LGALS8: variants seen among roughly 807,000 people sequenced by gnomAD.
The protein encoded by LGALS8 is galectin 8, also known as galectin-8.
LGALS8 carries 30 observed loss-of-function variants against 35.9 expected under a neutral mutation model. The ratio of observed to expected loss-of-function variants is 0.83; its 90% CI spans 0.62 to 1.13. The LOEUF is 1.13. LGALS8 is among the 50% of genes most tolerant of loss of function. LGALS8 has a pLI of 0.00. For missense variants in LGALS8, 366 were observed against 388.7 expected, an observed-to-expected ratio of 0.94 and a Z score of 0.49; for synonymous variants, 138 against 136.1, an observed-to-expected ratio of 1.01 and a Z score of -0.10.
chr1:236,541,518 GTCAAGTGTATTTTTGGATCATAGTTT>G, intron 5 of LGALS8, 110 bp from the exon 6 acceptor site: 1 of 549,804 alleles, frequency 1.8e-6, no homozygotes, highest in Non-Finnish European at 3.2e-6. Context: ...GGACCACAGT[GTCAAGTGTATTTTTGGATCATAGTTT>G]TCAAGCATAT....
At chr1:236,527,180 G>A (rs1247491651) in intron 2 of LGALS8, among the ~76,000 whole-genome samples, 3 of 152,142 alleles carry the variant, frequency 2.0e-5, no homozygotes, top group Non-Finnish European at 2.9e-5. Context: ...TATCATCTTG[G>A]CTCAAGCTGG....
At position 236,543,736 on chromosome 1, in the gene LGALS8, A is replaced by T. The variant is rs2794786; in HGVS notation, c.638+88A>T. On this transcript the variant is annotated intron_variant, in intron 8 of 9. Coordinates refer to ENST00000366584, the MANE Select transcript of LGALS8 (RefSeq NM_201544.4). ...CGTGAACGGTCCTGTGAGCTGGAAG[A>T]AGGGCTAGCGTCAGAATCTTCATTT... 0.63 allele frequency: 570,352 copies of T among 898,602 alleles called. 184,632 individuals are homozygous for T. Among genetic ancestry groups the T allele is most frequent in the Non-Finnish European group, 0.68 (370,531 of 542,214 alleles). 55.7% of individuals were successfully genotyped at this position (898,602 alleles called of 1,614,324 possible).
intron 3 of LGALS8, 57 bp from the exon 4 acceptor site, chr1:236,538,822 T>C: frequency 7.8e-7 from 1 of 1,274,816 alleles, no homozygotes; most frequent in Non-Finnish European, 1.1e-6. Flanking sequence ...GCTGGTCCTT[T>C]ACTGGTGGCT....
Position 236,550,534 on chromosome 1 carries a change from T to C in LGALS8, c.*2373T>C, listed in dbSNP as rs1253278992. 5.5e-6 allele frequency: 1 copy of C among 181,474 alleles called. No homozygotes were observed. The highest frequency in any genetic ancestry group is 1.1e-5 in the Non-Finnish European group (1 of 88,024). The allele number at this position is 181,474 out of a possible 1,614,324, so 11.2% of individuals were successfully genotyped here. A position where few individuals can be genotyped will look rare whatever the true frequency, so the allele number is the denominator to read the frequency against. ...CAACATGGATACCATGTATGTAAGA[T>C]ACTGCTGTACAGAAGAGTTAAGGCT... On this transcript the variant is annotated 3_prime_UTR_variant, in exon 10 of 10. Transcript: ENST00000366584.
In LGALS8 at chr1:236,548,754, A is replaced by T; in HGVS notation, c.*593A>T. ...GCTCTACCGTATCCCATCACTGAGG[A>T]CTGATGTTGACTGACATCATTTTCT... On this transcript the variant is annotated 3_prime_UTR_variant, in exon 10 of 10. Transcript: ENST00000366584. 1 of 367,366 alleles carries T rather than the reference A, an allele frequency of 2.7e-6. No individual in the cohort carries two copies. The highest frequency in any genetic ancestry group is 3.7e-5 in the East Asian group (1 of 27,276). 22.8% of individuals were successfully genotyped at this position (367,366 alleles called of 1,614,324 possible). A position where few individuals can be genotyped will look rare whatever the true frequency, so the allele number is the denominator to read the frequency against.
At position 236,541,665 on chromosome 1, in the gene LGALS8, T is replaced by C; in HGVS notation, c.477T>C (p.Ser159=). The change falls in exon 6 of 10, where the codon AGT becomes AGC. Residue 159 remains serine (S), a synonymous_variant. Coordinates refer to ENST00000366584, the MANE Select transcript of LGALS8 (RefSeq NM_201544.4). ...IGFSFSSDLQ[S]TQASSLELTE... ...TTATCTTTTCTCAGGACTTACAAAG[T>C]ACCCAAGCATCTAGTCTGGAACTGA... 2 of 1,513,200 alleles carry C rather than the reference T, an allele frequency of 1.3e-6. No homozygotes were observed. The highest frequency in any genetic ancestry group is 1.4e-5 in the African/African-American group (1 of 71,604). The allele number at this position is 1,513,200 out of a possible 1,614,324, so 93.7% of individuals were successfully genotyped here.
intron 7 of LGALS8, chr1:236,543,193 C>A: frequency 1.4e-6 from 1 of 691,752 alleles, no homozygotes; most frequent in Non-Finnish European, 2.5e-6. Flanking sequence ...CCAGGCCTGC[C>A]TCTGAGCCAT....
rs776876617 is a variant in LGALS8 at position 236,543,472 on chromosome 1, A to C, written c.550-88A>C. The C allele has an allele frequency of 3.0e-6, 3 of 998,918 alleles. No individual in the cohort carries two copies. In the South Asian group the frequency reaches 3.9e-5, roughly 13 times the overall value. The allele number at this position is 998,918 out of a possible 1,614,324, so 61.9% of individuals were successfully genotyped here. ...TGGGATTTACAGGGTCATGGCTCTG[A>C]AACATTCCGTAGTGTTCTTTGGACA... is the stretch of plus-strand genomic sequence containing the variant. On this transcript the variant is annotated intron_variant, in intron 7 of 9. Coordinates refer to ENST00000366584, the MANE Select transcript of LGALS8 (RefSeq NM_201544.4).
intron 2 of LGALS8, among the ~76,000 whole-genome samples, chr1:236,529,313 G>A (rs957509236): frequency 7.2e-5 from 11 of 151,954 alleles, no homozygotes; most frequent in Non-Finnish European, 2.9e-5. Flanking sequence ...CGGGTGCTGC[G>A]GCTCATGCCT....
intron 8 of LGALS8, 43 bp from the exon 9 acceptor site, chr1:236,544,707 A>T: frequency 6.7e-7 from 1 of 1,502,262 alleles, no homozygotes; most frequent in Non-Finnish European, 9.0e-7. Flanking sequence ...ACTCTGTCCT[A>T]CTTGGTTAAT....
In LGALS8 at chr1:236,531,513, G is replaced by C. The variant is rs1478821376; in HGVS notation, c.45+5398G>C. 2.6e-5 allele frequency among the ~76,000 whole-genome samples: 4 copies of C among 152,036 alleles called. No homozygotes were observed. In the East Asian group the frequency reaches 7.7e-4, roughly 29 times the overall value. On this transcript the variant is annotated intron_variant, in intron 2 of 9. Transcript: ENST00000366584. ...CTAATTTTTTTGTATTTTTAGTAGA[G>C]ACGGGGTTTCACCATGTTAGCCAGG... is the stretch of plus-strand genomic sequence containing the variant.
At chr1:236,535,383 G>A (rs1661420432) in intron 2 of LGALS8, among the ~76,000 whole-genome samples, 1 of 151,958 alleles carries the variant, frequency 6.6e-6, no homozygotes, top group Admixed American at 6.6e-5. Flanking sequence ...ACAGGATACA[G>A]TGTGTATTAG....
Position 236,541,663 on chromosome 1 carries a change from A to C in LGALS8, c.475A>C (p.Ser159Arg). ...IGFSFSSDLQ[S>R]TQASSLELTE... ...TATTATCTTTTCTCAGGACTTACAA[A>C]GTACCCAAGCATCTAGTCTGGAACT... The change falls in exon 6 of 10, where the codon AGT becomes CGT. Residue 159 changes from serine (S) to arginine (R), a missense_variant. By Grantham distance (110) the Ser-to-Arg change is moderately radical. Transcript: ENST00000366584. The C allele has an allele frequency of 6.6e-7, 1 of 1,511,652 alleles. No homozygotes were observed. The highest frequency in any genetic ancestry group is 9.0e-7 in the Non-Finnish European group (1 of 1,110,656). The allele number at this position is 1,511,652 out of a possible 1,614,324, so 93.6% of individuals were successfully genotyped here.
upstream of LGALS8, among the ~76,000 whole-genome samples, chr1:236,522,450 T>G (rs994347356): frequency 1.3e-5 from 2 of 151,630 alleles, no homozygotes; most frequent in Non-Finnish European, 2.9e-5. Flanking sequence ...AAAAAAAAAT[T>G]TTTAAATTAG....
intron 5 of LGALS8, 35 bp downstream of exon 5, chr1:236,540,718 A>G: frequency 6.4e-7 from 1 of 1,570,326 alleles, no homozygotes; most frequent in Non-Finnish European, 8.6e-7. Flanking sequence ...GTCTTTTATG[A>G]GGATGGTTTC....
At chr1:236,527,732 A>G (rs953140130) in intron 2 of LGALS8, among the ~76,000 whole-genome samples, 2 of 149,594 alleles carry the variant, frequency 1.3e-5, no homozygotes, top group Admixed American at 6.7e-5. Context: ...TATTCAATTA[A>G]TTTTTTTTTT....
At chr1:236,537,998 A>AG (rs1558162260) in intron 3 of LGALS8, among the ~76,000 whole-genome samples, 1 of 148,536 alleles carries the variant, frequency 6.7e-6, no homozygotes, top group East Asian at 2.0e-4. Context: ...GTAGCTACTC[A>AG]GGGGGCTGAG....
chr1:236,518,353 G>A (rs1054385791), intron 1 of LGALS8: 7 of 151,772 alleles, frequency 4.6e-5, no homozygotes, highest in Admixed American at 2.0e-4. Context: ...CTCATGGATG[G>A]GGCTAGTATT....
At chr1:236,532,392 T>C (rs1661198225) in intron 2 of LGALS8, among the ~76,000 whole-genome samples, 1 of 152,200 alleles carries the variant, frequency 6.6e-6, no homozygotes, top group Admixed American at 6.5e-5. Flanking sequence ...TTGATATCTT[T>C]ACAAATGATC....
Sources: gnomAD v4.1 joint callset for allele counts (sites outside exome capture counted in the v4.1 genomes callset) on GRCh38, gnomAD v4.1.1 for gene constraint, MANE v1.5 for transcripts, NCBI Gene and HGNC (gene_info 2026-07-23, HGNC 2026-07-21) for gene names.